PELI2: variants seen among roughly 807,000 people sequenced by gnomAD.
The protein encoded by PELI2 is E3 ubiquitin-protein ligase pellino homolog 2.
In PELI2, 23 loss-of-function variants were observed where a neutral mutation model predicts 42.3. The observed-to-expected ratio is 0.54, with a 90% confidence interval of 0.39 to 0.77. The LOEUF (loss-of-function observed/expected upper bound fraction) is 0.77. PELI2 is among the 30% of genes least tolerant of loss of function. The pLI is 0.00. For synonymous variants in PELI2, 245 were observed against 212.2 expected, an observed-to-expected ratio of 1.15 and a Z score of -1.34; for missense variants, 463 against 553.2, an observed-to-expected ratio of 0.84 and a Z score of 1.64.
At chr14:56,157,257 A>C (rs2139632834) in intron 1 of PELI2, among the ~76,000 whole-genome samples, 1 of 152,314 alleles carries the variant, frequency 6.6e-6, no homozygotes, top group South Asian at 2.1e-4. Context: ...TGATTCACTT[A>C]CTACTTTGCA....
At chr14:56,250,386 T>A (rs1369564276) in intron 2 of PELI2, among the ~76,000 whole-genome samples, 1 of 152,112 alleles carries the variant, frequency 6.6e-6, no homozygotes, top group East Asian at 1.9e-4. Flanking sequence ...AAAGGGAGTT[T>A]ATTAGGGGAA....
chr14:56,215,116 A>G (rs1886855547), intron 2 of PELI2, among the ~76,000 whole-genome samples: 1 of 152,214 alleles, frequency 6.6e-6, no homozygotes, highest in South Asian at 2.1e-4. Flanking sequence ...AGCTTCTCTT[A>G]TCTATGTGAC....
Position 56,291,208 on chromosome 14 carries a change from G to T in PELI2, c.696+752G>T, listed in dbSNP as rs1279224759. Among the ~76,000 whole-genome samples the T allele has an allele frequency of 2.0e-5, 3 of 152,276 alleles. No homozygotes were observed. In the East Asian group the frequency reaches 5.8e-4, roughly 29 times the overall value. On this transcript the variant is annotated intron_variant, in intron 5 of 5. Transcript: ENST00000267460. ...ATTTGCTAGGTAGAAGCTAGAACGA[G>T]AGAGAACAAATGTCTTTTTCTAGAA... is the stretch of plus-strand genomic sequence containing the variant.
intron 3 of PELI2, among the ~76,000 whole-genome samples, chr14:56,281,299 T>C (rs1466304874): frequency 1.3e-5 from 2 of 152,152 alleles, no homozygotes; most frequent in African/African-American, 4.8e-5. Context: ...ATGATTACAG[T>C]ATGGTGCATT....
At chr14:56,208,044 G>A (rs545963344) in intron 2 of PELI2, among the ~76,000 whole-genome samples, 5 of 152,328 alleles carry the variant, frequency 3.3e-5, no homozygotes, top group African/African-American at 1.2e-4. Context: ...ACACTGCATT[G>A]GTGCCTACAT....
chr14:56,179,496 C>CTTGTAT (rs1045473845), intron 2 of PELI2, among the ~76,000 whole-genome samples: 2 of 152,108 alleles, frequency 1.3e-5, no homozygotes, highest in Admixed American at 1.3e-4. Context: ...TTGAAGCGAT[C>CTTGTAT]TTGTATTAAT....
chr14:56,282,978 T>C (rs920213131), intron 3 of PELI2, among the ~76,000 whole-genome samples: 12 of 152,348 alleles, frequency 7.9e-5, no homozygotes, highest in South Asian at 4.1e-4. Flanking sequence ...TCAGTGATAC[T>C]TTTTTACCAC....
chr14:56,151,378 A>G (rs1884346064), intron 1 of PELI2, among the ~76,000 whole-genome samples: 1 of 152,190 alleles, frequency 6.6e-6, no homozygotes, highest in Non-Finnish European at 1.5e-5. Flanking sequence ...TGCTGGCCCC[A>G]GGTACTTCAA....
intron 2 of PELI2, among the ~76,000 whole-genome samples, chr14:56,220,059 A>C (rs141651253): frequency 1.5e-3 from 225 of 152,334 alleles, no homozygotes; most frequent in African/African-American, 5.2e-3. Flanking sequence ...CTGTTTCACC[A>C]AACGTGTCTT....
chr14:56,119,002 C>A (rs899079781), intron 1 of PELI2: 2 of 173,502 alleles, frequency 1.2e-5, no homozygotes, highest in Admixed American at 6.4e-5. Flanking sequence ...GGCGACCCAG[C>A]GGGGGCAGCG....
At chr14:56,207,620 C>A (rs75679581) in intron 2 of PELI2, among the ~76,000 whole-genome samples, 1 of 152,196 alleles carries the variant, frequency 6.6e-6, no homozygotes, top group Non-Finnish European at 1.5e-5. Flanking sequence ...TTAACATCCC[C>A]TAGACCTACT....
chr14:56,241,553 G>A (rs973419318), intron 2 of PELI2, among the ~76,000 whole-genome samples: 3 of 152,188 alleles, frequency 2.0e-5, no homozygotes, highest in African/African-American at 7.2e-5. Flanking sequence ...AGGCACAGGA[G>A]TTGGGGGGAA....
intron 1 of PELI2, among the ~76,000 whole-genome samples, chr14:56,146,034 A>G (rs1884102888): frequency 6.6e-6 from 1 of 152,266 alleles, no homozygotes; most frequent in African/African-American, 2.4e-5. Context: ...GTGACAGATG[A>G]CATTGTTTTG....
intron 1 of PELI2, among the ~76,000 whole-genome samples, chr14:56,136,392 A>C (rs1169693234): frequency 6.6e-6 from 1 of 152,184 alleles, no homozygotes; most frequent in African/African-American, 2.4e-5. Context: ...CTGTCAGATT[A>C]TATTTTTAAC....
At chr14:56,217,491 C>A (rs200558900) in intron 2 of PELI2, among the ~76,000 whole-genome samples, 1 of 152,192 alleles carries the variant, frequency 6.6e-6, no homozygotes, top group Non-Finnish European at 1.5e-5. Context: ...TCCGGCTTGG[C>A]CAGGGGTCCA....
intron 2 of PELI2, 148 bp from the exon 3 acceptor site, chr14:56,279,528 A>G (rs1594709947): frequency 8.9e-6 from 4 of 449,280 alleles, no homozygotes; most frequent in Non-Finnish European, 1.6e-5. Context: ...TGATTGACGG[A>G]ATAGAGCATA....
chr14:56,218,181 A>ATCT, intron 2 of PELI2, among the ~76,000 whole-genome samples: 1 of 152,342 alleles, frequency 6.6e-6, no homozygotes. Flanking sequence ...TTCCTTGGCC[A>ATCT]GATTAGGTAG....
chr14:56,146,204 T>C (rs903879266), intron 1 of PELI2, among the ~76,000 whole-genome samples: 8 of 152,168 alleles, frequency 5.3e-5, no homozygotes, highest in African/African-American at 1.9e-4. Flanking sequence ...CAGTATGATT[T>C]CATTTGGTCT....
chr14:56,203,722 C>T (rs903451315), intron 2 of PELI2, among the ~76,000 whole-genome samples: 1 of 152,100 alleles, frequency 6.6e-6, no homozygotes, highest in Admixed American at 6.6e-5. Flanking sequence ...CAAGATAGAT[C>T]TCAGTCCTCA....
Sources: allele counts gnomAD v4.1 joint callset (sites outside exome capture counted in the v4.1 genomes callset), GRCh38; gene constraint gnomAD v4.1.1; transcripts MANE v1.5; gene names NCBI Gene and HGNC (gene_info 2026-07-23, HGNC 2026-07-21).